Variants in SLC3A2 observed in about 807,000 individuals in gnomAD.
The protein encoded by SLC3A2 is amino acid transporter heavy chain SLC3A2.
A neutral mutation model predicts 48.5 loss-of-function variants in SLC3A2; 32 were observed. The ratio of observed to expected loss-of-function variants is 0.66; its 90% CI spans 0.50 to 0.89. The LOEUF is 0.89. Ranked by LOEUF, SLC3A2 falls within the 40% of genes least tolerant of loss-of-function variation. The probability of loss-of-function intolerance (pLI) is 0.00; values close to 1 mark genes in which losing one functional copy is unlikely to be tolerated. For missense variants in SLC3A2, 587 were observed against 680.7 expected (o/e 0.86, Z 1.53); for synonymous variants, 277 against 288.8 (o/e 0.96, Z 0.41).
chr11:62,884,331 G>A (rs1327333959), intron 3 of SLC3A2, 126 bp from the exon 4 acceptor site: 3 of 977,574 alleles, frequency 3.1e-6, no homozygotes, highest in Non-Finnish European at 4.8e-6. Flanking sequence ...GAAGACCCAG[G>A]CAAGGCACAG....
rs373560418 is a variant in SLC3A2 at position 62,885,260 on chromosome 11, G to T, written c.902G>T (p.Ser301Ile). ...LESNKDLLLT[S>I]SYLSDSGSTG... ...TCCAACAAAGACTTGCTGTTGACTA[G>T]CTCATACCTGTCTGATTCTGGTTCT... The change falls in exon 6 of 9, where the codon AGC becomes ATC. Residue 301 changes from serine (S) to isoleucine (I), a missense_variant. Ser to Ile is a moderately radical substitution (Grantham distance 142). Coordinates refer to ENST00000338663, the MANE Select transcript of SLC3A2 (RefSeq NM_001013251.3). 299 of 1,614,084 alleles carry T rather than the reference G, an allele frequency of 1.9e-4. No homozygotes were observed. Among genetic ancestry groups the T allele is most frequent in the Non-Finnish European group, 2.4e-4 (285 of 1,180,052 alleles).
At chr11:62,880,861 C>T, upstream of SLC3A2, 1 of 1,397,626 alleles carries the variant, frequency 7.2e-7, no homozygotes, top group Non-Finnish European at 9.3e-7. Flanking sequence ...CGGGGCTCCG[C>T]TGCCCCTTCC....
chr11:62,883,224 A>T (rs1261297662), intron 3 of SLC3A2: 27 of 513,460 alleles, frequency 5.3e-5, no homozygotes, highest in Non-Finnish European at 9.2e-5. Flanking sequence ...GACTCTGAGG[A>T]TGAGACAGTG....
upstream of SLC3A2, among the ~76,000 whole-genome samples, chr11:62,876,013 G>A (rs1460562817): frequency 6.6e-6 from 1 of 152,126 alleles, no homozygotes; most frequent in Non-Finnish European, 1.5e-5. Context: ...CCACAGGGGT[G>A]AGCCACCATG....
At chr11:62,859,051 A>G (rs532180322) in intron 1 of SLC3A2, among the ~76,000 whole-genome samples, 1 of 152,088 alleles carries the variant, frequency 6.6e-6, no homozygotes, top group African/African-American at 2.4e-5. Context: ...AATCCTCCTC[A>G]GCACAGACGC....
In SLC3A2 at chr11:62,860,374, G is replaced by A. The variant is rs372603317; in HGVS notation, c.112+3993G>A. Among the ~76,000 whole-genome samples the A allele has an allele frequency of 1.1e-4, 16 of 151,484 alleles. 1 individual carries two copies. In the South Asian group the frequency reaches 2.7e-3, roughly 26 times the overall value. On this transcript the variant is annotated intron_variant, in intron 1 of 9. Transcript: ENST00000377889. Reference sequence around the variant, plus strand: ...AAAAAAATTAGCCGGGTGTGATGGCGTGCGCCTGTAGTCCCAGCTACTTGG... The same window carrying A: ...AAAAAAATTAGCCGGGTGTGATGGCATGCGCCTGTAGTCCCAGCTACTTGG...
At chr11:62,877,330 A>G (rs1321827783), upstream of SLC3A2, among the ~76,000 whole-genome samples, 2 of 152,246 alleles carry the variant, frequency 1.3e-5, no homozygotes, top group Middle Eastern at 3.4e-3. Flanking sequence ...CAAAGTGCTG[A>G]TTACAGGTGT....
intron 1 of SLC3A2, among the ~76,000 whole-genome samples, chr11:62,861,962 A>G (rs1361624528): frequency 1.0e-5 from 1 of 98,876 alleles, no homozygotes; most frequent in Admixed American, 8.7e-5. Context: ...TCAGCTCACA[A>G]TCAGTTCAGT....
In SLC3A2 at chr11:62,881,837, G is replaced by T; in HGVS notation, c.425-56G>T. On this transcript the variant is annotated intron_variant, in intron 1 of 8. Coordinates refer to ENST00000338663, the MANE Select transcript of SLC3A2 (RefSeq NM_001013251.3). The surrounding 1 kb of genome is among the most constrained non-coding windows in gnomAD (Gnocchi z 4.0). ...TTAGGCGCTGGGAGAAGGGAGGGTG[G>T]GGAGGTCAGGGGCCTCTCAGAGGGG... 1 of 1,581,972 alleles carries T rather than the reference G, an allele frequency of 6.3e-7. No individual in the cohort carries two copies. Among genetic ancestry groups the T allele is most frequent in the Non-Finnish European group, 8.6e-7 (1 of 1,158,622 alleles).
At chr11:62,870,227 C>G (rs1320344626) in intron 1 of SLC3A2, among the ~76,000 whole-genome samples, 1 of 148,086 alleles carries the variant, frequency 6.8e-6, no homozygotes, top group Non-Finnish European at 1.5e-5. Flanking sequence ...TTGTTGCCAG[C>G]CTGGAGTGCA....
At position 62,888,369 on chromosome 11, in the gene SLC3A2, C is replaced by T. The variant is rs755372517; in HGVS notation, c.1266C>T (p.Phe422=). 1.9e-6 allele frequency: 3 copies of T among 1,614,044 alleles called. No homozygotes were observed. The African/African-American group carries it at 4.0e-5, about 22-fold the overall frequency. The change falls in exon 9 of 9, where the codon TTC becomes TTT. Residue 422 remains phenylalanine, a synonymous_variant. Coordinates refer to ENST00000338663, the MANE Select transcript of SLC3A2 (RefSeq NM_001013251.3). ...SEDPGSLLSL[F]RRLSDQRSKE... ...ACCCTGGCTCCCTCCTTTCCTTGTT[C>T]CGGCGGCTGAGTGACCAGCGGAGTA...
chr11:62,886,307 A>AAAAG (rs1167624233), intron 7 of SLC3A2: 1 of 151,610 alleles, frequency 6.6e-6, no homozygotes, highest in African/African-American at 2.4e-5. Context: ...AAAAGAAAAG[A>AAAAG]AAAGAAAGAA....
intron 7 of SLC3A2, 140 bp from the exon 8 acceptor site, chr11:62,887,995 T>G (rs1565257736): frequency 1.2e-5 from 8 of 688,620 alleles, no homozygotes; most frequent in African/African-American, 3.6e-5. Flanking sequence ...GAGGGCTCAT[T>G]ATGTTGCTGA....
rs572801782 is a variant in SLC3A2 at position 62,860,935 on chromosome 11, C to T, written c.112+4554C>T. Among the ~76,000 whole-genome samples, 91 of 152,290 alleles carry T rather than the reference C, an allele frequency of 6.0e-4. 1 individual carries two copies. Among genetic ancestry groups the T allele is most frequent in the Middle Eastern group, 3.4e-3 (1 of 294 alleles). On this transcript the variant is annotated intron_variant, in intron 1 of 9. Coordinates refer to the SLC3A2 transcript ENST00000377889. ...TGAGTCAATACAGTGCATGTTTCTG[C>T]GAGCACAGGGTTGGGGCTAGGGTTA... is the stretch of plus-strand genomic sequence containing the variant.
chr11:62,881,777 C>T lies in SLC3A2; in HGVS notation c.425-116C>T, dbSNP rs2085643013. The stretch of plus-strand genomic sequence containing the variant: ...GAGTCTCGTGATTCAGCCTTGCCTC[C>T]CTCTCTCCCCCTTTGCCCCCTCCCC... On this transcript the variant is annotated intron_variant, in intron 1 of 8. Transcript: ENST00000338663. The surrounding 1 kb of genome is among the most constrained non-coding windows in gnomAD (Gnocchi z 4.0). 8.4e-7 allele frequency: 1 copy of T among 1,191,214 alleles called. No individual in the cohort carries two copies. Among genetic ancestry groups the T allele is most frequent in the Non-Finnish European group, 1.2e-6 (1 of 842,876 alleles). 73.8% of individuals were successfully genotyped at this position (1,191,214 alleles called of 1,614,324 possible).
chr11:62,877,885 A>G (rs2085586036), upstream of SLC3A2, among the ~76,000 whole-genome samples: 1 of 152,184 alleles, frequency 6.6e-6, no homozygotes. Context: ...GGCTGGGCAC[A>G]GTGGCTCATG....
Position 62,880,949 on chromosome 11 carries a change from G to T in SLC3A2, c.-75G>T. 4 of 1,488,600 alleles carry T rather than the reference G, an allele frequency of 2.7e-6. No individual in the cohort carries two copies. The highest frequency in any genetic ancestry group is 1.4e-5 in the South Asian group (1 of 71,490). 92.2% of individuals were successfully genotyped at this position (1,488,600 alleles called of 1,614,324 possible). On this transcript the variant is annotated 5_prime_UTR_variant, in exon 1 of 9. Coordinates refer to ENST00000338663, the MANE Select transcript of SLC3A2 (RefSeq NM_001013251.3). ...CACAGAGGCCGGGGAGAGCGTTCTG[G>T]GTCCGAGGGTCCAGGTAGGGGTTGA...
At chr11:62,861,903 CCT>C (rs1429403499) in intron 1 of SLC3A2, among the ~76,000 whole-genome samples, 1 of 140,110 alleles carries the variant, frequency 7.1e-6, no homozygotes, top group Non-Finnish European at 1.5e-5. Flanking sequence ...AAGAGCAAAA[CCT>C]CTCTCAAAAA....
upstream of SLC3A2, chr11:62,880,793 C>G (rs12274689): frequency 7.0e-3 from 5,808 of 825,818 alleles, 263 homozygotes; most frequent in African/African-American, 0.091. Context: ...CTTTACTACC[C>G]TGAGCCGCCC....
Sources: allele counts gnomAD v4.1 joint callset (sites outside exome capture counted in the v4.1 genomes callset), GRCh38; gene constraint gnomAD v4.1.1; non-coding constraint Gnocchi (gnomAD v3.1); transcripts MANE v1.5; gene names NCBI Gene and HGNC (gene_info 2026-07-23, HGNC 2026-07-21).